Variants in MGAT4D observed in about 807,000 individuals in gnomAD.
MGAT4D encodes MGAT4 family member D, also known as alpha-1,3-mannosyl-glycoprotein 4-beta-N-acetylglucosaminyltransferase-like protein MGAT4D.
Under a neutral mutation model 15.9 loss-of-function variants are expected in MGAT4D, and 34 were observed. That is an observed-to-expected ratio of 2.14 (90% confidence interval 1.62 to 2.84). MGAT4D has a LOEUF of 2.84. MGAT4D is among the 30% of genes most tolerant of loss of function. The pLI is 0.00. For missense variants in MGAT4D, 327 were observed against 140.2 expected (o/e 2.33, Z -6.73); for synonymous variants, 112 against 48.2 (o/e 2.33, Z -5.49).
chr4:140,464,446 C>T (rs1731394788), intron 6 of MGAT4D, among the ~76,000 whole-genome samples: 2 of 152,130 alleles, frequency 1.3e-5, no homozygotes. Context: ...GTTAGGAAAG[C>T]TAAGAAAAAA....
Position 140,455,553 on chromosome 4 carries a change from T to G in MGAT4D, c.1008+1036A>C, listed in dbSNP as rs570561307. 5.3e-5 allele frequency among the ~76,000 whole-genome samples: 8 copies of G among 152,254 alleles called. No homozygotes were observed. The South Asian group carries it at 1.5e-3, about 28-fold the overall frequency. The stretch of plus-strand genomic sequence containing the variant: ...TTTCTACTGTTATTGGATGTAGTGG[T>G]TTTTAAATGTCAATTAAATCCAGTT... On this transcript the variant is annotated intron_variant, in intron 9 of 10. Coordinates refer to ENST00000511113, the MANE Select transcript of MGAT4D (RefSeq NM_001277353.2).
intron 1 of MGAT4D, among the ~76,000 whole-genome samples, chr4:140,494,745 T>G (rs1369093403): frequency 6.6e-6 from 1 of 152,220 alleles, no homozygotes; most frequent in Non-Finnish European, 1.5e-5. Flanking sequence ...AGGAGACATT[T>G]GCCAATGCCT....
chr4:140,472,097 A>AT (rs1318775325), intron 4 of MGAT4D, among the ~76,000 whole-genome samples: 1 of 152,098 alleles, frequency 6.6e-6, no homozygotes, highest in African/African-American at 2.4e-5. Flanking sequence ...TTTTAGATAT[A>AT]TAAGATTACA....
intron 3 of MGAT4D, among the ~76,000 whole-genome samples, chr4:140,477,990 T>C (rs1419861779): frequency 1.3e-5 from 2 of 152,242 alleles, no homozygotes; most frequent in African/African-American, 4.8e-5. Context: ...TGATGATGGA[T>C]TCCCTAGTAG....
intron 5 of MGAT4D, among the ~76,000 whole-genome samples, chr4:140,469,089 T>C (rs1196912241): frequency 6.6e-6 from 1 of 152,186 alleles, no homozygotes; most frequent in Non-Finnish European, 1.5e-5. Context: ...AGTATTTGTG[T>C]CCCTTAAGAC....
intron 10 of MGAT4D, among the ~76,000 whole-genome samples, chr4:140,450,396 A>C (rs745391400): frequency 3.9e-5 from 6 of 152,244 alleles, no homozygotes; most frequent in Non-Finnish European, 8.8e-5. Flanking sequence ...TTTCTGCATC[A>C]CATCTACAGC....
At chr4:140,451,183 T>C (rs952339077) in intron 10 of MGAT4D, among the ~76,000 whole-genome samples, 7 of 152,270 alleles carry the variant, frequency 4.6e-5, no homozygotes, top group Middle Eastern at 3.4e-3. Flanking sequence ...TAAGGCAAAA[T>C]AGTTTATGTA....
chr4:140,444,144 T>C (rs1347757130), intron 10 of MGAT4D, among the ~76,000 whole-genome samples: 1 of 152,206 alleles, frequency 6.6e-6, no homozygotes, highest in Non-Finnish European at 1.5e-5. Context: ...AATGTTATAC[T>C]GTACTAATAT....
intron 8 of MGAT4D, chr4:140,458,132 A>G (rs1420349944): frequency 1.3e-5 from 2 of 152,120 alleles, no homozygotes; most frequent in African/African-American, 4.8e-5. Context: ...CAGTACTTAG[A>G]GCTATGTGAA....
At chr4:140,471,911 T>C (rs1731990824) in intron 4 of MGAT4D, 90 bp from the exon 5 acceptor site, 4 of 291,318 alleles carry the variant, frequency 1.4e-5, no homozygotes, top group Non-Finnish European at 1.9e-5. Flanking sequence ...ATCTAATTTG[T>C]GTGTGAAATG....
intron 5 of MGAT4D, among the ~76,000 whole-genome samples, chr4:140,465,324 C>CA (rs1731462327): frequency 6.6e-6 from 1 of 152,146 alleles, no homozygotes; most frequent in South Asian, 2.1e-4. Context: ...TATGAGAACA[C>CA]AGTGACTGCA....
At chr4:140,464,704 T>C (rs906546010) in intron 6 of MGAT4D, among the ~76,000 whole-genome samples, 192 bp downstream of exon 6, 2 of 152,226 alleles carry the variant, frequency 1.3e-5, no homozygotes, top group African/African-American at 2.4e-5. Flanking sequence ...ACTCCTACTG[T>C]GGCTAATGCT....
chr4:140,454,871 A>T (rs66850312), intron 9 of MGAT4D, among the ~76,000 whole-genome samples: 29,424 of 151,918 alleles, frequency 0.19, 2,917 homozygotes, highest in South Asian at 0.28. Flanking sequence ...TTTTATATGC[A>T]TGGAAGTGCC....
chr4:140,467,113 T>C (rs1731587488), intron 5 of MGAT4D, among the ~76,000 whole-genome samples: 1 of 152,128 alleles, frequency 6.6e-6, no homozygotes. Flanking sequence ...TCATTTATTT[T>C]GGTGGGAGCA....
At chr4:140,469,887 C>T (rs1248116417) in intron 5 of MGAT4D, among the ~76,000 whole-genome samples, 1 of 152,238 alleles carries the variant, frequency 6.6e-6, no homozygotes, top group African/African-American at 2.4e-5. Flanking sequence ...GCTCACAGCT[C>T]ACACTGCACA....
At chr4:140,483,715 C>T (rs925674381) in intron 1 of MGAT4D, among the ~76,000 whole-genome samples, 8 of 152,122 alleles carry the variant, frequency 5.3e-5, no homozygotes, top group African/African-American at 1.9e-4. Context: ...CACGCATTTA[C>T]AGTAACTTGA....
In MGAT4D at chr4:140,459,629, GAA is replaced by G; in HGVS notation, c.763-5_763-4del. The G allele has an allele frequency of 7.6e-6, 3 of 396,346 alleles. No homozygotes were observed. The highest frequency in any genetic ancestry group is 5.3e-5 in the South Asian group (1 of 18,774). 24.6% of individuals were successfully genotyped at this position (396,346 alleles called of 1,614,324 possible). A position where few individuals can be genotyped will look rare whatever the true frequency, so the allele number is the denominator to read the frequency against. On this transcript the variant is annotated splice_region_variant and splice_polypyrimidine_tract_variant and intron_variant, in intron 7 of 10. Coordinates refer to ENST00000511113, the MANE Select transcript of MGAT4D (RefSeq NM_001277353.2). Reference sequence around the variant, plus strand: ...TTAGCTATGATATCATCTTCTAGCTGAAAAAAAAAACCCAAAAAGACATTAAT... The same window carrying G: ...TTAGCTATGATATCATCTTCTAGCTGAAAAAAAACCCAAAAAGACATTAAT...
chr4:140,482,275 A>T (rs1285498509), intron 2 of MGAT4D, 52 bp downstream of exon 2: 3 of 576,346 alleles, frequency 5.2e-6, no homozygotes, highest in African/African-American at 3.9e-5. Context: ...ATCATAAGAC[A>T]TTGAATCTAC....
chr4:140,478,277 C>T (rs543939225), intron 3 of MGAT4D, among the ~76,000 whole-genome samples: 1 of 152,198 alleles, frequency 6.6e-6, no homozygotes, highest in Non-Finnish European at 1.5e-5. Flanking sequence ...CAAACACCAC[C>T]ATGTCTCTCT....
Sources: gnomAD v4.1 joint callset for allele counts (sites outside exome capture counted in the v4.1 genomes callset) on GRCh38, gnomAD v4.1.1 for gene constraint, MANE v1.5 for transcripts, NCBI Gene and HGNC (gene_info 2026-07-23, HGNC 2026-07-21) for gene names.